RBMS2: variants seen among roughly 807,000 people sequenced by gnomAD.
RBMS2 encodes the protein RNA binding motif single stranded interacting protein 2, also known as RNA-binding motif, single-stranded-interacting protein 2.
RBMS2 carries 38 observed loss-of-function variants against 58.4 expected under a neutral mutation model. The ratio of observed to expected loss-of-function variants is 0.65; its 90% CI spans 0.50 to 0.85. RBMS2 has a LOEUF of 0.85. Ranked by LOEUF, RBMS2 falls within the 40% of genes least tolerant of loss-of-function variation. The pLI is 0.00. For missense variants in RBMS2, 367 were observed against 503.7 expected (o/e 0.73, Z 2.60); for synonymous variants, 151 against 180.7 (o/e 0.84, Z 1.32).
At chr12:56,566,332 T>C (rs1881336913) in intron 2 of RBMS2, among the ~76,000 whole-genome samples, 1 of 152,216 alleles carries the variant, frequency 6.6e-6, no homozygotes, top group Non-Finnish European at 1.5e-5. Flanking sequence ...CAGTTAGCTC[T>C]TGTACTTCTG....
At chr12:56,580,457 T>A (rs1039016474) in intron 5 of RBMS2, 2 of 256,936 alleles carry the variant, frequency 7.8e-6, no homozygotes, top group Non-Finnish European at 1.6e-5. Flanking sequence ...GGCCTCAAAC[T>A]CCTGACCTCA....
chr12:56,528,264 A>AG (rs1873052024), intron 1 of RBMS2, among the ~76,000 whole-genome samples: 1 of 151,348 alleles, frequency 6.6e-6, no homozygotes. Context: ...AAAAAAAAAA[A>AG]GTCAAGTGTG....
chr12:56,581,367 C>T, intron 6 of RBMS2, 32 bp from the exon 7 acceptor site: 1 of 1,607,698 alleles, frequency 6.2e-7, no homozygotes, highest in Non-Finnish European at 8.5e-7. Context: ...TGAGGTGGGA[C>T]TCAGCTGCCC....
intron 3 of RBMS2, 41 bp from the exon 4 acceptor site, chr12:56,569,858 A>G: frequency 6.5e-7 from 1 of 1,528,408 alleles, no homozygotes. Flanking sequence ...TCTGTTCCTT[A>G]CACCTCCCAC....
At chr12:56,529,943 T>C (rs1467101763) in intron 1 of RBMS2, among the ~76,000 whole-genome samples, 1 of 152,222 alleles carries the variant, frequency 6.6e-6, no homozygotes, top group Non-Finnish European at 1.5e-5. Context: ...AGGGTCTCAC[T>C]CTGTTGCCCA....
chr12:56,573,964 CTGAG>C (rs1882750200), intron 5 of RBMS2, among the ~76,000 whole-genome samples: 1 of 152,164 alleles, frequency 6.6e-6, no homozygotes, highest in African/African-American at 2.4e-5. Context: ...CCTCAGCCTC[CTGAG>C]TAACTGGGAT....
chr12:56,525,909 C>T (rs1190615524), intron 1 of RBMS2, among the ~76,000 whole-genome samples: 1 of 151,170 alleles, frequency 6.6e-6, no homozygotes, highest in Admixed American at 6.6e-5. Flanking sequence ...GTGACCTGCC[C>T]ACCTCGGCCT....
intron 1 of RBMS2, among the ~76,000 whole-genome samples, chr12:56,525,576 G>A (rs1872526443): frequency 6.6e-6 from 1 of 151,970 alleles, no homozygotes; most frequent in South Asian, 2.1e-4. Flanking sequence ...TGGGCTGGAG[G>A]ACAGTGCCAT....
chr12:56,528,558 C>T (rs1396596796), intron 1 of RBMS2, among the ~76,000 whole-genome samples: 1 of 152,102 alleles, frequency 6.6e-6, no homozygotes, highest in Non-Finnish European at 1.5e-5. Context: ...AGATGCTTAA[C>T]ATCATTAGCC....
chr12:56,588,263 G>A, intron 11 of RBMS2, 31 bp from the exon 12 acceptor site: 1 of 1,581,682 alleles, frequency 6.3e-7, no homozygotes, highest in Non-Finnish European at 8.7e-7. Flanking sequence ...AAAAATCACT[G>A]CTGTAAGCCT....
At chr12:56,539,118 C>A (rs546987242) in intron 1 of RBMS2, among the ~76,000 whole-genome samples, 2 of 151,204 alleles carry the variant, frequency 1.3e-5, no homozygotes, top group African/African-American at 4.9e-5. Flanking sequence ...CAGGTTCAAA[C>A]AATTCTCCTG....
At chr12:56,579,406 G>T (rs1192123239) in intron 5 of RBMS2, among the ~76,000 whole-genome samples, 1 of 152,116 alleles carries the variant, frequency 6.6e-6, no homozygotes, top group Non-Finnish European at 1.5e-5. Context: ...TGAGGCGGGC[G>T]GATCACGAGG....
chr12:56,581,781 C>G, intron 7 of RBMS2, 52 bp from the exon 8 acceptor site: 1 of 1,598,238 alleles, frequency 6.3e-7, no homozygotes, highest in Non-Finnish European at 8.6e-7. Flanking sequence ...TGGGCCAGCT[C>G]CTATTCTCAC....
chr12:56,525,383 A>G (rs1437068401), intron 1 of RBMS2, among the ~76,000 whole-genome samples: 1 of 151,402 alleles, frequency 6.6e-6, no homozygotes, highest in Non-Finnish European at 1.5e-5. Context: ...CACCAGGCCC[A>G]GCTAAATTTT....
In RBMS2 at chr12:56,534,742, C is replaced by T. The variant is rs577994339; in HGVS notation, c.66+12653C>T. Among the ~76,000 whole-genome samples the T allele has an allele frequency of 1.1e-4, 16 of 152,234 alleles. No individual in the cohort carries two copies. In the East Asian group the frequency reaches 2.9e-3, roughly 28 times the overall value. On this transcript the variant is annotated intron_variant, in intron 1 of 13. Coordinates refer to ENST00000262031, the MANE Select transcript of RBMS2 (RefSeq NM_002898.4). Reference sequence around the variant, plus strand: ...CTGCAACCTCCGCCTCCCAGCTTCACGTCATTCTCCTGCCTCAGCCTCCCG... The same window carrying T: ...CTGCAACCTCCGCCTCCCAGCTTCATGTCATTCTCCTGCCTCAGCCTCCCG...
intron 1 of RBMS2, among the ~76,000 whole-genome samples, chr12:56,544,544 A>C (rs1408331305): frequency 6.6e-6 from 1 of 152,056 alleles, no homozygotes; most frequent in African/African-American, 2.4e-5. Context: ...TAACGTCTCA[A>C]GATAGTTTTA....
chr12:56,567,255 G>C (rs1881499175), intron 2 of RBMS2, among the ~76,000 whole-genome samples: 1 of 151,148 alleles, frequency 6.6e-6, no homozygotes, highest in South Asian at 2.1e-4. Flanking sequence ...TGTGGTGGCA[G>C]GCGCCTGTAA....
intron 1 of RBMS2, among the ~76,000 whole-genome samples, chr12:56,561,620 C>A (rs1237235820): frequency 1.3e-4 from 19 of 150,206 alleles, no homozygotes; most frequent in Admixed American, 1.2e-3. Flanking sequence ...CATTCTTCTG[C>A]CTCAACCTCC....
intron 1 of RBMS2, among the ~76,000 whole-genome samples, chr12:56,552,921 C>A (rs1032832514): frequency 1.6e-4 from 18 of 115,644 alleles, no homozygotes; most frequent in African/African-American, 5.6e-4. Flanking sequence ...AATTAAGAGT[C>A]CTTTTTTTTT....
Sources: gnomAD v4.1 joint callset for allele counts (sites outside exome capture counted in the v4.1 genomes callset) on GRCh38, gnomAD v4.1.1 for gene constraint, MANE v1.5 for transcripts, NCBI Gene and HGNC (gene_info 2026-07-23, HGNC 2026-07-21) for gene names.